Variants in HS6ST2 observed in about 807,000 individuals in gnomAD.
HS6ST2 encodes the protein heparan sulfate 6-O-sulfotransferase 2.
Under a neutral mutation model 33.0 loss-of-function variants are expected in HS6ST2, and 17 were observed. The ratio of observed to expected loss-of-function variants is 0.52; its 90% confidence interval spans 0.35 to 0.77. HS6ST2 has a LOEUF of 0.77. HS6ST2 is among the 30% of genes least tolerant of loss of function. The pLI, the probability that HS6ST2 is intolerant of heterozygous loss-of-function variation, is 0.01. For synonymous variants in HS6ST2, 248 were observed against 237.1 expected (o/e 1.05, Z -0.42); for missense variants, 519 against 551.7 (o/e 0.94, Z 0.59).
At chrX:132,916,243 A>G (rs1453290992) in intron 2 of HS6ST2, among the ~76,000 whole-genome samples, 2 of 111,700 alleles carry the variant, frequency 1.8e-5, no homozygotes, top group Non-Finnish European at 3.8e-5. Context: ...CTGGACCTCT[A>G]CAGAAGAAAT....
intron 3 of HS6ST2, among the ~76,000 whole-genome samples, chrX:132,704,981 G>A (rs1247103059): frequency 8.9e-6 from 1 of 111,995 alleles, no homozygotes; most frequent in Non-Finnish European, 1.9e-5. Flanking sequence ...ATTGGAAATT[G>A]GAGTTAGCCT....
At chrX:132,772,288 C>T (rs752343369) in intron 2 of HS6ST2, among the ~76,000 whole-genome samples, 32 of 110,897 alleles carry the variant, frequency 2.9e-4, no homozygotes, top group Non-Finnish European at 4.9e-4. Flanking sequence ...CATGCCGTCT[C>T]AAGGCCCAGT....
At chrX:132,735,455 G>T (rs2064499062) in intron 2 of HS6ST2, 1 of 112,071 alleles carries the variant, frequency 8.9e-6, no homozygotes, top group Non-Finnish European at 1.9e-5. Context: ...AAGGAAAAAA[G>T]CACGCAAGAC....
At chrX:132,743,370 A>G (rs1284800663) in intron 2 of HS6ST2, among the ~76,000 whole-genome samples, 4 of 112,028 alleles carry the variant, frequency 3.6e-5, no homozygotes, top group African/African-American at 1.3e-4. Flanking sequence ...TCTAGGGTTC[A>G]TTTTGTATCC....
At chrX:132,927,318 C>A (rs923866456) in intron 2 of HS6ST2, among the ~76,000 whole-genome samples, 5 of 111,655 alleles carry the variant, frequency 4.5e-5, no homozygotes, top group Non-Finnish European at 9.4e-5. Context: ...CTGCCATGTT[C>A]TTGCCACTCT....
In HS6ST2 at chrX:132,637,832, ATATAATATTT is replaced by A. The variant is rs1345995188; in HGVS notation, c.1068-8749_1068-8740del. Among the ~76,000 whole-genome samples, 28 of 44,851 alleles carry A rather than the reference ATATAATATTT, an allele frequency of 6.2e-4. No individual in the cohort carries two copies. In the African/African-American group the frequency reaches 0.011, roughly 18 times the overall value. The allele number at this position is 44,851 out of a possible 115,157, so 38.9% of individuals were successfully genotyped here. On this transcript the variant is annotated intron_variant, in intron 4 of 4. Coordinates refer to ENST00000370833, the MANE Select transcript of HS6ST2 (RefSeq NM_001394073.1). ...TATTATTTTATATATATAATATTAT[ATATAATATTT>A]TATATATAATATATATATAATATAT...
At chrX:132,902,237 G>A (rs1235801869) in intron 2 of HS6ST2, among the ~76,000 whole-genome samples, 1 of 110,877 alleles carries the variant, frequency 9.0e-6, no homozygotes, top group Admixed American at 9.6e-5. Context: ...GAGTAGCTGG[G>A]ACCACAGGCG....
At chrX:132,753,430 T>C (rs773985227) in intron 2 of HS6ST2, among the ~76,000 whole-genome samples, 1 of 111,427 alleles carries the variant, frequency 9.0e-6, no homozygotes, top group Non-Finnish European at 1.9e-5. Flanking sequence ...GTGGAGATAA[T>C]TGACTCATGG....
chrX:132,832,449 G>T (rs2148389823), intron 2 of HS6ST2, among the ~76,000 whole-genome samples: 1 of 111,731 alleles, frequency 9.0e-6, no homozygotes, highest in South Asian at 3.7e-4. Context: ...AAAAGGTTAA[G>T]TATTGATATT....
chrX:132,659,907 C>T (rs889500353), intron 4 of HS6ST2, among the ~76,000 whole-genome samples: 1 of 111,992 alleles, frequency 8.9e-6, no homozygotes, highest in Admixed American at 9.5e-5. Flanking sequence ...CATAAAAGTA[C>T]TATATTTTTG....
At position 132,630,183 on chromosome X, in the gene HS6ST2, C is replaced by T. The variant is rs762590725; in HGVS notation, c.1068-1090G>A. ...CCACTCAGGTACAGAAGATGAAGGA[C>T]GAGGCCACAGAAGGGCATATTGTGG... On this transcript the variant is annotated intron_variant, in intron 4 of 4. Coordinates refer to ENST00000370833, the MANE Select transcript of HS6ST2 (RefSeq NM_001394073.1). Among the ~76,000 whole-genome samples, 4 of 111,986 alleles carry T rather than the reference C, an allele frequency of 3.6e-5. No individual in the cohort carries two copies. The South Asian group carries it at 1.1e-3, about 32-fold the overall frequency.
At chrX:132,654,621 G>A (rs1194567403) in intron 4 of HS6ST2, among the ~76,000 whole-genome samples, 4 of 111,948 alleles carry the variant, frequency 3.6e-5, no homozygotes, top group African/African-American at 9.7e-5. Context: ...TTCACATATC[G>A]AGTTGCAGTG....
At chrX:132,811,815 T>C (rs73560257) in intron 2 of HS6ST2, among the ~76,000 whole-genome samples, 38,644 of 100,528 alleles carry the variant, frequency 0.38, 6,515 homozygotes, top group African/African-American at 0.56. Context: ...CATGTATTTA[T>C]TATCCTTTGT....
At chrX:132,637,841 TTTATATATAATATATATATAATATA>T (rs1569475914) in intron 4 of HS6ST2, among the ~76,000 whole-genome samples, 130 of 41,942 alleles carry the variant, frequency 3.1e-3, no homozygotes, top group Non-Finnish European at 3.6e-3. Context: ...TATATAATAT[TTTATATATAATATATATATAATATA>T]TTATATATAA....
At chrX:132,714,177 C>T (rs1187353216) in intron 2 of HS6ST2, among the ~76,000 whole-genome samples, 1 of 111,540 alleles carries the variant, frequency 9.0e-6, no homozygotes, top group Non-Finnish European at 1.9e-5. Flanking sequence ...AAATAAAAAA[C>T]TGATACCCCA....
At chrX:132,829,070 CTAGA>C (rs1197399404) in intron 2 of HS6ST2, among the ~76,000 whole-genome samples, 2 of 101,732 alleles carry the variant, frequency 2.0e-5, no homozygotes, top group Non-Finnish European at 2.0e-5. Flanking sequence ...TGCTGGAAAC[CTAGA>C]TACTTTCCAA....
intron 2 of HS6ST2, among the ~76,000 whole-genome samples, chrX:132,750,095 T>C (rs1210039487): frequency 2.7e-5 from 3 of 110,301 alleles, no homozygotes; most frequent in African/African-American, 9.9e-5. Flanking sequence ...TCTTGAAGTT[T>C]CCTGCAAAAC....
intron 2 of HS6ST2, among the ~76,000 whole-genome samples, chrX:132,710,612 C>A (rs2064222710): frequency 9.0e-6 from 1 of 110,806 alleles, no homozygotes; most frequent in Non-Finnish European, 1.9e-5. Flanking sequence ...TTTATTTATG[C>A]CTTTGTTTAT....
chrX:132,873,917 G>A (rs961492147), intron 2 of HS6ST2, among the ~76,000 whole-genome samples: 3 of 111,233 alleles, frequency 2.7e-5, no homozygotes, highest in Non-Finnish European at 5.6e-5. Flanking sequence ...AAATCTCACC[G>A]TCCCCTTGGC....
Sources: allele counts gnomAD v4.1 joint callset (sites outside exome capture counted in the v4.1 genomes callset), GRCh38; gene constraint gnomAD v4.1.1; transcripts MANE v1.5; gene names NCBI Gene and HGNC (gene_info 2026-07-23, HGNC 2026-07-21).